Variants in HOOK2 observed in about 807,000 individuals in gnomAD.
HOOK2 encodes the protein hook microtubule tethering protein 2, also known as protein Hook homolog 2.
HOOK2 carries 108 observed loss-of-function variants against 111.9 expected under a neutral mutation model. The observed-to-expected ratio is 0.96, with a 90% CI of 0.83 to 1.13. The LOEUF (loss-of-function observed/expected upper bound fraction) is 1.13, where lower values mean the gene tolerates loss of function less well. Among genes scored for constraint, HOOK2 ranks in the 50% most tolerant of loss-of-function variants. The pLI is 0.00. For synonymous variants in HOOK2, 405 were observed against 394.3 expected (o/e 1.03, Z -0.32); for missense variants, 978 against 951.3 (o/e 1.03, Z -0.37).
rs552829543 is a variant in HOOK2, at chr19:12,792,228, A to G, written n.42-18003T>C. Reference sequence around the variant, plus strand: ...CGATCTGCACAAGATGAACCACGTGACACCCCCCAACGTGTCCCTGGGCGC... The same window carrying G: ...CGATCTGCACAAGATGAACCACGTGGCACCCCCCAACGTGTCCCTGGGCGC... On this transcript the variant is annotated intron_variant and non_coding_transcript_variant, in intron 3 of 3. Coordinates refer to the HOOK2 transcript ENST00000589765. 2.0e-6 allele frequency: 3 copies of G among 1,532,500 alleles called. No homozygotes were observed. The African/African-American group carries it at 4.1e-5, about 21-fold the overall frequency. 94.9% of individuals were successfully genotyped at this position (1,532,500 alleles called of 1,614,324 possible). A position where few individuals can be genotyped will look rare whatever the true frequency, so the allele number is the denominator to read the frequency against.
chr19:12,783,757 G>A (rs1040186493), intron 3 of HOOK2, among the ~76,000 whole-genome samples: 1 of 152,192 alleles, frequency 6.6e-6, no homozygotes, highest in African/African-American at 2.4e-5. Flanking sequence ...TCTGCATCCA[G>A]GGTTGAGCAC....
At chr19:12,788,633 C>T (rs928969848) in intron 3 of HOOK2, among the ~76,000 whole-genome samples, 1 of 152,002 alleles carries the variant, frequency 6.6e-6, no homozygotes, top group Non-Finnish European at 1.5e-5. Context: ...CAGCCCTGGC[C>T]AGGGCTGAAT....
upstream of HOOK2, chr19:12,775,586 G>GGCTCC (rs1968480854): frequency 2.2e-5 from 16 of 732,110 alleles, no homozygotes; most frequent in African/African-American, 4.2e-4. Context: ...CCTAGGCGCA[G>GGCTCC]GCCCCGCCCC....
chr19:12,767,865 A>C lies in HOOK2; in HGVS notation c.1254T>G (p.Asn418Lys), dbSNP rs772178741. ...GCAGCTGGGCGCAGCGCAGCTCCTC[A>C]TTGGCCTCCCGCAAGGAGTCCCGCT... ...LAERDSLREA[N>K]EELRCAQLQP... is the part of the protein sequence containing the mutation. The change falls in exon 13 of 23, where the codon AAT becomes AAG. Residue 418 changes from asparagine to lysine, a missense_variant. Physicochemically the swap from Asn to Lys is moderately conservative, Grantham distance 94. Transcript: ENST00000397668. The C allele has an allele frequency of 2.1e-5, 34 of 1,607,862 alleles. No homozygotes were observed. The highest frequency in any genetic ancestry group is 1.8e-4 in the Middle Eastern group (1 of 5,686).
At position 12,763,198 on chromosome 19, in the gene HOOK2, T is replaced by C; in HGVS notation, c.*84A>G. ...CATGGCCTCAAAGCTCTCGAGCACC[T>C]GGCTGAAGCCCAGTGCTGGGCGCCA... On this transcript the variant is annotated 3_prime_UTR_variant, in exon 23 of 23. Transcript: ENST00000397668. The C allele has an allele frequency of 2.4e-6, 3 of 1,242,514 alleles. No homozygotes were observed. The highest frequency in any genetic ancestry group is 3.2e-6 in the Non-Finnish European group (3 of 937,142). 77.0% of individuals were successfully genotyped at this position (1,242,514 alleles called of 1,614,324 possible). A position where few individuals can be genotyped will look rare whatever the true frequency, so the allele number is the denominator to read the frequency against.
upstream of HOOK2, chr19:12,775,576 CCT>C (rs1433940805): frequency 1.6e-5 from 15 of 949,572 alleles, no homozygotes; most frequent in African/African-American, 2.6e-4. Context: ...GCCCCGCCCC[CCT>C]AGGCGCAGGC....
intron 14 of HOOK2, chr19:12,766,444 G>T: frequency 1.7e-6 from 1 of 589,490 alleles, no homozygotes; most frequent in East Asian, 3.1e-5. Context: ...TGGGATAGTG[G>T]GTGGGGCTAG....
In HOOK2 at chr19:12,769,880, C is replaced by G. The variant is rs1029796138; in HGVS notation, c.1104+1G>C. 5.5e-6 allele frequency: 8 copies of G among 1,447,094 alleles called. No homozygotes were observed. The highest frequency in any genetic ancestry group is 7.2e-6 in the Non-Finnish European group (8 of 1,109,808). 89.6% of individuals were successfully genotyped at this position (1,447,094 alleles called of 1,614,324 possible). A position where few individuals can be genotyped will look rare whatever the true frequency, so the allele number is the denominator to read the frequency against. The stretch of plus-strand genomic sequence containing the variant: ...CGGCCCTAACCCCGCCCCCGCCGCA[C>G]CTGCCGCCGCTGCGCCTCCAGCTGG... On this transcript the variant is annotated splice_donor_variant, in intron 11 of 22. Transcript: ENST00000397668. LOFTEE classifies it high-confidence loss of function.
intron 14 of HOOK2, chr19:12,766,449 G>A: frequency 1.8e-6 from 1 of 565,204 alleles, no homozygotes; most frequent in Non-Finnish European, 3.0e-6. Context: ...TAGTGGGTGG[G>A]GCTAGGCAGG....
chr19:12,786,678 A>G lies in HOOK2; in HGVS notation n.42-12453T>C, dbSNP rs550944939. Among the ~76,000 whole-genome samples the G allele has an allele frequency of 9.8e-5, 15 of 152,292 alleles. 1 individual carries two copies. In the South Asian group the frequency reaches 2.9e-3, roughly 29 times the overall value. On this transcript the variant is annotated intron_variant and non_coding_transcript_variant, in intron 3 of 3. Coordinates refer to the HOOK2 transcript ENST00000589765. This position sits in a 1 kb window ranked among gnomAD's most constrained non-coding sequence, Gnocchi z 4.3. ...TTGAGGGGGTGGTGCCCAGGCCACA[A>G]GGGTGACACTGGCAGAGGCCTGGAA...
chr19:12,773,236 T>C lies in HOOK2; in HGVS notation c.205-192A>G, dbSNP rs529255701. 164 of 348,238 alleles carry C rather than the reference T, an allele frequency of 4.7e-4. No individual in the cohort carries two copies. In the East Asian group the frequency reaches 6.5e-3, roughly 14 times the overall value. 21.6% of individuals were successfully genotyped at this position (348,238 alleles called of 1,614,324 possible). A position where few individuals can be genotyped will look rare whatever the true frequency, so the allele number is the denominator to read the frequency against. On this transcript the variant is annotated intron_variant, in intron 3 of 22. Transcript: ENST00000397668. ...CTGCCTGACCATCTTTGTTTCTTTT[T>C]TTTTTTTTTTTTTTTTTTGCTTTAG...
rs375643477 is a variant in HOOK2 at position 12,774,852 on chromosome 19, G to C, written c.91C>G (p.Leu31Val). Residue 31 changes from leucine to valine, a missense_variant, in exon 2 of 23, where the codon CTG becomes GTG. Physicochemically the swap from Leu to Val is conservative, Grantham distance 32 (BLOSUM62 1). Around this residue, in one of 5 missense-constraint regions of HOOK2, gnomAD observed 301 missense variants for 286.1 expected, o/e 1.05. Coordinates refer to ENST00000397668, the MANE Select transcript of HOOK2 (RefSeq NM_013312.3). ...VPSPCASPQD[L>V]SSGLAVAYVL... The stretch of plus-strand genomic sequence containing the variant: ...TAGGCTACGGCAAGGCCGCTGCTCA[G>C]GTCCTGAGGGCTGGCACAGGGAGAC... 33 of 1,614,014 alleles carry C rather than the reference G, an allele frequency of 2.0e-5. No individual in the cohort carries two copies. In the African/African-American group the frequency reaches 4.1e-4, roughly 20 times the overall value.
upstream of HOOK2, among the ~76,000 whole-genome samples, chr19:12,775,916 G>C (rs369644388): frequency 0.018 from 2,145 of 122,356 alleles, 72 homozygotes; most frequent in African/African-American, 0.068. Flanking sequence ...TCTCGCTGTC[G>C]CCCAGGCTGG....
In HOOK2 at chr19:12,764,733, A is replaced by G. The variant is rs73925208; in HGVS notation, c.1827+81T>C. The G allele has an allele frequency of 7.0e-3, 8,229 of 1,168,260 alleles. 397 individuals are homozygous for G. In the African/African-American group the frequency reaches 0.11, roughly 15 times the overall value. The allele number at this position is 1,168,260 out of a possible 1,614,324, so 72.4% of individuals were successfully genotyped here. On this transcript the variant is annotated intron_variant, in intron 20 of 22. Coordinates refer to ENST00000397668, the MANE Select transcript of HOOK2 (RefSeq NM_013312.3). ...TATGAGTTGGGGGCACAGATGTGCA[A>G]GCAGGAGGTTTGACTCAATAGGAGG...
In HOOK2 at chr19:12,764,818, C is replaced by A. The variant is rs200402327; in HGVS notation, c.1823G>T (p.Arg608Leu). ...ERYRRYVDKARMVMQTMEPKQ... is the reference protein window; with the variant it reads ...ERYRRYVDKALMVMQTMEPKQ... ...GGGAACACCCAGCGTCCTCACCATG[C>A]GGGCCTTGTCCACGTAGCGGCGGTA... is the stretch of plus-strand genomic sequence containing the variant. The change falls in exon 20 of 23, where the codon CGC becomes CTC. Residue 608 changes from arginine (R) to leucine (L), a missense_variant. Arg to Leu is a moderately radical substitution (Grantham distance 102). Coordinates refer to ENST00000397668, the MANE Select transcript of HOOK2 (RefSeq NM_013312.3). 1.2e-6 allele frequency: 2 copies of A among 1,613,144 alleles called. No individual in the cohort carries two copies. Among genetic ancestry groups the A allele is most frequent in the Non-Finnish European group, 1.7e-6 (2 of 1,179,670 alleles).
intron 18 of HOOK2, 71 bp from the exon 19 acceptor site, chr19:12,765,152 C>T (rs1968110533): frequency 1.4e-6 from 2 of 1,465,982 alleles, no homozygotes; most frequent in African/African-American, 1.4e-5. Flanking sequence ...GTGGTAGCCA[C>T]AGACCTCCCC....
intron 18 of HOOK2, chr19:12,765,464 C>G: frequency 1.6e-6 from 1 of 613,336 alleles, no homozygotes; most frequent in Non-Finnish European, 2.9e-6. Flanking sequence ...GAAAAGAAAG[C>G]AGGCCAGGCG....
At chr19:12,782,615 G>A (rs1239259576), upstream of HOOK2, among the ~76,000 whole-genome samples, 8 of 152,330 alleles carry the variant, frequency 5.3e-5, no homozygotes. Flanking sequence ...TGCAAGCGCG[G>A]GGGGTGGAAG....
intron 14 of HOOK2, chr19:12,766,645 G>T (rs545124453): frequency 5.7e-6 from 1 of 176,438 alleles, no homozygotes; most frequent in South Asian, 1.5e-4. Context: ...ATACAGTGGC[G>T]CGATCTCGGC....
Sources: gnomAD v4.1 joint callset for allele counts (sites outside exome capture counted in the v4.1 genomes callset) on GRCh38, gnomAD v4.1.1 for gene constraint, gnomAD v4.1.1 regional missense constraint, Gnocchi (gnomAD v3.1) non-coding constraint, MANE v1.5 for transcripts, NCBI Gene and HGNC (gene_info 2026-07-23, HGNC 2026-07-21) for gene names.